Variants in MTURN observed in about 807,000 individuals in gnomAD.
The protein encoded by MTURN is maturin.
MTURN carries 7 observed loss-of-function variants against 14.9 expected under a neutral mutation model. That is an observed-to-expected ratio of 0.47 (90% CI 0.27 to 0.88). MTURN has a LOEUF of 0.88. Ranked by LOEUF, MTURN falls within the 40% of genes least tolerant of loss-of-function variation. The pLI is 0.14. For synonymous variants in MTURN, 69 were observed against 72.5 expected, an observed-to-expected ratio of 0.95 and a Z score of 0.25; for missense variants, 151 against 174.1, an observed-to-expected ratio of 0.87 and a Z score of 0.75.
Position 30,158,128 on chromosome 7 carries a change from G to T in MTURN, c.*580G>T, listed in dbSNP as rs1797314276. Reference sequence around the variant, plus strand: ...GTAAGAGAGGCCCAGAAGCCTTTAAGTGTTTTGCCATTACTGAGTTACCTG... The same window carrying T: ...GTAAGAGAGGCCCAGAAGCCTTTAATTGTTTTGCCATTACTGAGTTACCTG... On this transcript the variant is annotated 3_prime_UTR_variant, in exon 3 of 3. Coordinates refer to ENST00000324453, the MANE Select transcript of MTURN (RefSeq NM_152793.3). 6.6e-6 allele frequency: 1 copy of T among 152,292 alleles called. No homozygotes were observed. Among genetic ancestry groups the T allele is most frequent in the South Asian group, 2.1e-4 (1 of 4,834 alleles). The allele number at this position is 152,292 out of a possible 1,614,324, so 9.4% of individuals were successfully genotyped here.
chr7:30,150,823 G>A (rs1241461341), intron 2 of MTURN, among the ~76,000 whole-genome samples: 1 of 152,230 alleles, frequency 6.6e-6, no homozygotes, highest in Non-Finnish European at 1.5e-5. Flanking sequence ...CCATGTGGTG[G>A]AAGGTAGATC....
In MTURN at chr7:30,144,506, C is replaced by T. The variant is rs866719323; in HGVS notation, c.163-1671C>T. Among the ~76,000 whole-genome samples, 7 of 152,188 alleles carry T rather than the reference C, an allele frequency of 4.6e-5. No individual in the cohort carries two copies. In the South Asian group the frequency reaches 8.3e-4, roughly 18 times the overall value. On this transcript the variant is annotated intron_variant, in intron 1 of 2. Transcript: ENST00000324453. ...AAATGACATTGTGGTGGTTTGACAG[C>T]TTTAAGGGTCTCTAATTAGTAGGGA... is the stretch of plus-strand genomic sequence containing the variant.
chr7:30,150,260 C>T (rs1169929056), intron 2 of MTURN, among the ~76,000 whole-genome samples: 1 of 152,146 alleles, frequency 6.6e-6, no homozygotes, highest in African/African-American at 2.4e-5. Flanking sequence ...AGACAAAATA[C>T]TGTGGAGAAG....
rs61735934 is a variant in MTURN, at chr7:30,157,515, G to A, written c.363G>A (p.Ala121=). 1,607 of 1,604,408 alleles carry A rather than the reference G, an allele frequency of 1.0e-3. 16 individuals are homozygous for A. The African/African-American group carries it at 0.018, about 18-fold the overall frequency. Residue 121 remains alanine, a synonymous_variant, in exon 3 of 3, where the codon GCG becomes GCA. Coordinates refer to ENST00000324453, the MANE Select transcript of MTURN (RefSeq NM_152793.3). ...ACGTGGAAGAAGAGGAGCCAGAGGC[G>A]GACCACCCCCAGATGGGGGTCAGCC... The part of the protein sequence containing the change: ...SADVEEEEPE[A]DHPQMGVSQQ
In MTURN at chr7:30,146,306, G is replaced by T. The variant is rs759499103; in HGVS notation, c.285+7G>T. 3 of 1,613,706 alleles carry T rather than the reference G, an allele frequency of 1.9e-6. No homozygotes were observed. The highest frequency in any genetic ancestry group is 2.5e-6 in the Non-Finnish European group (3 of 1,179,902). ...CTTCAAGTCTTTCAGACCTGTAGGT[G>T]CCTGCTTGGCTTCTCACCACAGCTT... On this transcript the variant is annotated splice_region_variant and intron_variant, in intron 2 of 2. Transcript: ENST00000324453.
intron 2 of MTURN, among the ~76,000 whole-genome samples, chr7:30,150,065 C>T (rs1243327550): frequency 2.0e-5 from 3 of 152,336 alleles, no homozygotes; most frequent in African/African-American, 7.2e-5. Context: ...GGCTGTGTGA[C>T]CTTAGACAAG....
rs1370426686 is a variant in MTURN, at chr7:30,145,767, A to T, written c.163-410A>T. 11 of 1,414,118 alleles carry T rather than the reference A, an allele frequency of 7.8e-6. No homozygotes were observed. The African/African-American group carries it at 1.0e-4, about 13-fold the overall frequency. The allele number at this position is 1,414,118 out of a possible 1,614,324, so 87.6% of individuals were successfully genotyped here. On this transcript the variant is annotated intron_variant, in intron 1 of 2. Transcript: ENST00000324453. ...AGTTAATGCTTACAAACTATGCTTAATTAATCTTTCAGCCGTAGCTGAAAG... is the reference window on the plus strand; with the variant it reads ...AGTTAATGCTTACAAACTATGCTTATTTAATCTTTCAGCCGTAGCTGAAAG...
At chr7:30,155,138 A>G (rs542879147) in intron 2 of MTURN, among the ~76,000 whole-genome samples, 13 of 152,294 alleles carry the variant, frequency 8.5e-5, no homozygotes, top group Middle Eastern at 3.4e-3. Flanking sequence ...AGCCATTGCT[A>G]GTTGACCACA....
intron 1 of MTURN, among the ~76,000 whole-genome samples, chr7:30,136,455 G>T (rs1468719681): frequency 6.6e-6 from 1 of 152,220 alleles, no homozygotes; most frequent in Non-Finnish European, 1.5e-5. Flanking sequence ...AGGTGGGGTG[G>T]TGCGGGGCGC....
intron 2 of MTURN, among the ~76,000 whole-genome samples, chr7:30,153,074 A>T (rs1002693345): frequency 2.6e-5 from 4 of 152,248 alleles, no homozygotes; most frequent in Non-Finnish European, 5.9e-5. Context: ...GAATAATTTA[A>T]ATATACCAGT....
At chr7:30,156,289 A>G (rs1013000776) in intron 2 of MTURN, among the ~76,000 whole-genome samples, 1 of 151,356 alleles carries the variant, frequency 6.6e-6, no homozygotes, top group Non-Finnish European at 1.5e-5. Context: ...AAAATTACCC[A>G]TAATCTCACA....
intron 2 of MTURN, among the ~76,000 whole-genome samples, chr7:30,149,067 A>T (rs567688802): frequency 6.6e-6 from 1 of 151,694 alleles, no homozygotes; most frequent in Non-Finnish European, 1.5e-5. Context: ...TGGGAAGGGG[A>T]GCTCCAGCCG....
At chr7:30,144,549 C>T (rs938207266) in intron 1 of MTURN, among the ~76,000 whole-genome samples, 2 of 152,152 alleles carry the variant, frequency 1.3e-5, no homozygotes, top group African/African-American at 2.4e-5. Flanking sequence ...TTGAGCTGTT[C>T]GCTAAAGCTA....
At chr7:30,155,127 C>G (rs1236707207) in intron 2 of MTURN, among the ~76,000 whole-genome samples, 1 of 152,054 alleles carries the variant, frequency 6.6e-6, no homozygotes, top group African/African-American at 2.4e-5. Context: ...TCATGCAGGA[C>G]AGCCATTGCT....
chr7:30,142,589 A>G (rs1197819222), intron 1 of MTURN, among the ~76,000 whole-genome samples: 5 of 152,208 alleles, frequency 3.3e-5, no homozygotes. Flanking sequence ...TTAGCTAAAT[A>G]AACTGATTAC....
intron 1 of MTURN, among the ~76,000 whole-genome samples, chr7:30,136,380 C>T (rs1583500462): frequency 6.6e-6 from 1 of 152,086 alleles, no homozygotes; most frequent in Admixed American, 6.6e-5. Context: ...AATAATGATC[C>T]CCAAATGTAA....
chr7:30,135,245 C>G lies in MTURN; in HGVS notation c.109C>G (p.Pro37Ala), dbSNP rs1796926695. 1.3e-6 allele frequency: 2 copies of G among 1,519,380 alleles called. No homozygotes were observed. Among genetic ancestry groups the G allele is most frequent in the Non-Finnish European group, 1.8e-6 (2 of 1,131,622 alleles). The allele number at this position is 1,519,380 out of a possible 1,614,324, so 94.1% of individuals were successfully genotyped here. A position where few individuals can be genotyped will look rare whatever the true frequency, so the allele number is the denominator to read the frequency against. The change falls in exon 1 of 3, where the codon CCC becomes GCC. Residue 37 changes from proline to alanine, a missense_variant. By Grantham distance (27) the Pro-to-Ala change is conservative. Coordinates refer to ENST00000324453, the MANE Select transcript of MTURN (RefSeq NM_152793.3). The stretch of plus-strand genomic sequence containing the variant: ...ACGCAGGATGGATTTCTACGCCGAC[C>G]CCGGCGTCTCCTTCTATGTGCTGTG... ...TERRMDFYAD[P>A]GVSFYVLCPD...
intron 2 of MTURN, among the ~76,000 whole-genome samples, chr7:30,153,985 T>TG (rs1436470974): frequency 6.6e-6 from 1 of 152,176 alleles, no homozygotes; most frequent in African/African-American, 2.4e-5. Flanking sequence ...CCCAAAGTGC[T>TG]GGGATTACAG....
intron 2 of MTURN, among the ~76,000 whole-genome samples, chr7:30,154,937 G>A (rs1388233411): frequency 1.3e-5 from 2 of 152,192 alleles, no homozygotes; most frequent in African/African-American, 4.8e-5. Flanking sequence ...TATGTGCTTG[G>A]TTTCCTGGGT....
Sources: allele counts gnomAD v4.1 joint callset (sites outside exome capture counted in the v4.1 genomes callset), GRCh38; gene constraint gnomAD v4.1.1; transcripts MANE v1.5; gene names NCBI Gene and HGNC (gene_info 2026-07-23, HGNC 2026-07-21).